The following DENND2A variants were observed in gnomAD, a reference collection of about 807,000 sequenced individuals.
DENND2A encodes DENN domain-containing protein 2A.
A neutral mutation model predicts 105.3 loss-of-function variants in DENND2A; 53 were observed. The observed-to-expected ratio is 0.50, with a 90% confidence interval of 0.40 to 0.63. The LOEUF is 0.63. Ranked by LOEUF, DENND2A falls within the 30% of genes least tolerant of loss-of-function variation. The pLI is 0.00. For missense variants in DENND2A, 1,138 were observed against 1,279.6 expected (o/e 0.89, Z 1.69); for synonymous variants, 522 against 508.4 (o/e 1.03, Z -0.36).
intron 1 of DENND2A, among the ~76,000 whole-genome samples, chr7:140,621,907 T>G (rs1282354676): frequency 6.6e-6 from 1 of 152,124 alleles, no homozygotes; most frequent in Non-Finnish European, 1.5e-5. Flanking sequence ...TCAGAATGAC[T>G]AATATTTAAG....
chr7:140,522,125 G>T, intron 17 of DENND2A, 25 bp from the exon 18 acceptor site: 1 of 1,612,986 alleles, frequency 6.2e-7, no homozygotes, highest in South Asian at 1.1e-5. Flanking sequence ...GAAAGGCCAG[G>T]AACGGTGAGG....
intron 12 of DENND2A, among the ~76,000 whole-genome samples, chr7:140,549,605 A>G (rs889190361): frequency 6.6e-6 from 1 of 152,242 alleles, no homozygotes; most frequent in East Asian, 1.9e-4. Flanking sequence ...TTTTCATGTT[A>G]ACTATATGCT....
chr7:140,548,267 A>T (rs576249659), intron 12 of DENND2A, among the ~76,000 whole-genome samples: 1 of 149,716 alleles, frequency 6.7e-6, no homozygotes, highest in African/African-American at 2.4e-5. Context: ...TATGTGAATT[A>T]TATCTTAATA....
chr7:140,571,232 C>T (rs561513253), intron 6 of DENND2A, among the ~76,000 whole-genome samples: 1 of 152,146 alleles, frequency 6.6e-6, no homozygotes, highest in Non-Finnish European at 1.5e-5. Flanking sequence ...GATCTTGGCT[C>T]ACCACAACCT....
chr7:140,589,105 G>A (rs1466504681), intron 3 of DENND2A, among the ~76,000 whole-genome samples: 1 of 152,072 alleles, frequency 6.6e-6, no homozygotes, highest in South Asian at 2.1e-4. Flanking sequence ...ATTGCTCCAG[G>A]TATATTGGGA....
intron 3 of DENND2A, among the ~76,000 whole-genome samples, chr7:140,596,602 G>A (rs1382892155): frequency 6.6e-6 from 1 of 152,182 alleles, no homozygotes; most frequent in Non-Finnish European, 1.5e-5. Context: ...GAGGTTTCAC[G>A]TCCTCAAGAA....
rs550708833 is a variant in DENND2A at position 140,518,641 on chromosome 7, G to T, written c.*66C>A. On this transcript the variant is annotated 3_prime_UTR_variant, in exon 20 of 20. Coordinates refer to ENST00000496613, the MANE Select transcript of DENND2A (RefSeq NM_015689.5). ...ACCTGGGACCCAGCCTTTCAGAAAG[G>T]CCACCAGGAACTGTTTTTAAAGCAT... is the stretch of plus-strand genomic sequence containing the variant. The T allele has an allele frequency of 6.5e-7, 1 of 1,544,226 alleles. No individual in the cohort carries two copies. Among genetic ancestry groups the T allele is most frequent in the Non-Finnish European group, 8.9e-7 (1 of 1,119,434 alleles).
rs891571403 is a variant in DENND2A at position 140,630,847 on chromosome 7, T to G, written c.-248+9657A>C. Among the ~76,000 whole-genome samples, 14 of 152,046 alleles carry G rather than the reference T, an allele frequency of 9.2e-5. No individual in the cohort carries two copies. In the South Asian group the frequency reaches 1.2e-3, roughly 14 times the overall value. ...CTGCGCTCCAGCCTGGGCAACAGAG[T>G]GAGACTCCGTCTCAAAAAACAAAAA... is the stretch of plus-strand genomic sequence containing the variant. On this transcript the variant is annotated intron_variant, in intron 1 of 19. Coordinates refer to ENST00000496613, the MANE Select transcript of DENND2A (RefSeq NM_015689.5).
At chr7:140,557,244 A>G (rs187217988) in intron 11 of DENND2A, among the ~76,000 whole-genome samples, 1 of 151,508 alleles carries the variant, frequency 6.6e-6, no homozygotes, top group Admixed American at 6.6e-5. Flanking sequence ...GTCTCTACAA[A>G]TAATTAAAAA....
rs1491354693 is a variant in DENND2A at position 140,640,099 on chromosome 7, GCA to G, written c.-248+403_-248+404del. On this transcript the variant is annotated intron_variant, in intron 1 of 19. Coordinates refer to ENST00000496613, the MANE Select transcript of DENND2A (RefSeq NM_015689.5). The surrounding 1 kb of genome is among the most constrained non-coding windows in gnomAD (Gnocchi z 4.9). The stretch of plus-strand genomic sequence containing the variant: ...CGATGCCCCGCGCTTGCACGCGCAC[GCA>G]CACACTCACACACACTCGCACAGAC... 6.5e-6 allele frequency: 1 copy of G among 152,718 alleles called. No individual in the cohort carries two copies. Among genetic ancestry groups the G allele is most frequent in the African/African-American group, 2.4e-5 (1 of 41,422 alleles). The allele number at this position is 152,718 out of a possible 1,614,324, so 9.5% of individuals were successfully genotyped here. A position where few individuals can be genotyped will look rare whatever the true frequency, so the allele number is the denominator to read the frequency against.
At chr7:140,564,303 A>ACACACG in intron 9 of DENND2A, among the ~76,000 whole-genome samples, 1 of 151,462 alleles carries the variant, frequency 6.6e-6, no homozygotes, top group Admixed American at 6.6e-5. Context: ...AAAAATACAC[A>ACACACG]CACACACACA....
intron 1 of DENND2A, among the ~76,000 whole-genome samples, chr7:140,621,866 G>A (rs1051098149): frequency 3.3e-5 from 5 of 152,208 alleles, no homozygotes; most frequent in African/African-American, 7.2e-5. Flanking sequence ...TTTGGGGTAC[G>A]TGGCTGGAAG....
At chr7:140,584,361 A>G (rs551308562) in intron 5 of DENND2A, among the ~76,000 whole-genome samples, 1 of 152,234 alleles carries the variant, frequency 6.6e-6, no homozygotes, top group Non-Finnish European at 1.5e-5. Flanking sequence ...TAGTTACAAC[A>G]GAGACCATAT....
rs751023671 is a variant in DENND2A, at chr7:140,546,885, G to C, written c.2092C>G (p.Leu698Val). ...GGGGCTTCCATGACACTTCTCATGA[G>C]TGGCTGAACCAGGGCAGGAGAGATG... ...RGISPALVQP[L>V]MRSVMEAPFP... is the part of the protein sequence containing the mutation. Residue 698 changes from leucine to valine, a missense_variant, in exon 13 of 20, where the codon CTC (leucine) becomes GTC (valine). This residue lies in a region of DENND2A where 627 missense variants were observed against 779.8 expected (regional missense o/e 0.80). Coordinates refer to ENST00000496613, the MANE Select transcript of DENND2A (RefSeq NM_015689.5). The C allele has an allele frequency of 6.2e-7, 1 of 1,614,164 alleles. No individual in the cohort carries two copies. The highest frequency in any genetic ancestry group is 8.5e-7 in the Non-Finnish European group (1 of 1,180,006).
At chr7:140,632,884 GAC>G (rs1800781997) in intron 1 of DENND2A, among the ~76,000 whole-genome samples, 1 of 125,736 alleles carries the variant, frequency 8.0e-6, no homozygotes, top group African/African-American at 3.4e-5. Flanking sequence ...TTTTTTTTGA[GAC>G]AGTCTCCCTC....
intron 1 of DENND2A, among the ~76,000 whole-genome samples, chr7:140,625,739 A>T (rs1223917985): frequency 6.6e-6 from 1 of 152,166 alleles, no homozygotes; most frequent in Non-Finnish European, 1.5e-5. Context: ...AACATTAGCC[A>T]TGGGCTCCTG....
intron 1 of DENND2A, among the ~76,000 whole-genome samples, chr7:140,624,252 C>A (rs1259841722): frequency 6.6e-6 from 1 of 152,216 alleles, no homozygotes; most frequent in Non-Finnish European, 1.5e-5. Context: ...CTCAGCAGCT[C>A]TCCCCTTGTG....
At chr7:140,583,299 A>T (rs1186146583) in intron 5 of DENND2A, among the ~76,000 whole-genome samples, 3 of 150,400 alleles carry the variant, frequency 2.0e-5, no homozygotes, top group African/African-American at 7.5e-5. Context: ...ACAGTACGAG[A>T]CTCTGTCTCA....
chr7:140,526,528 G>A (rs1796061236), intron 15 of DENND2A, among the ~76,000 whole-genome samples: 4 of 152,204 alleles, frequency 2.6e-5, no homozygotes, highest in South Asian at 2.1e-4. Context: ...CTGCCCAGGA[G>A]CGGAGGGCCA....
Sources: gnomAD v4.1 joint callset for allele counts (sites outside exome capture counted in the v4.1 genomes callset) on GRCh38, gnomAD v4.1.1 for gene constraint, gnomAD v4.1.1 regional missense constraint, Gnocchi (gnomAD v3.1) non-coding constraint, MANE v1.5 for transcripts, NCBI Gene and HGNC (gene_info 2026-07-23, HGNC 2026-07-21) for gene names.